CRYBG3: variants seen among roughly 807,000 people sequenced by gnomAD.
CRYBG3 encodes the protein crystallin beta-gamma domain containing 3.
CRYBG3 carries 127 observed loss-of-function variants against 244.2 expected under a neutral mutation model. The ratio of observed to expected loss-of-function variants is 0.52; its 90% CI spans 0.45 to 0.60. CRYBG3 has a LOEUF of 0.60. CRYBG3 is among the 20% of genes least tolerant of loss of function. The probability of loss-of-function intolerance (pLI) is 0.00; values close to 1 mark genes in which losing one functional copy is unlikely to be tolerated. For synonymous variants in CRYBG3, 1,132 were observed against 1,195.8 expected, an observed-to-expected ratio of 0.95 and a Z score of 1.10; for missense variants, 3,325 against 3,442.5, an observed-to-expected ratio of 0.97 and a Z score of 0.85.
At chr3:97,932,256 T>A (rs1331017444) in intron 17 of CRYBG3, among the ~76,000 whole-genome samples, 1 of 151,990 alleles carries the variant, frequency 6.6e-6, no homozygotes, top group Non-Finnish European at 1.5e-5. Flanking sequence ...ATGAAATACG[T>A]TTTTCATACC....
chr3:97,824,639 G>A (rs1201065239), intron 1 of CRYBG3, among the ~76,000 whole-genome samples: 2 of 152,070 alleles, frequency 1.3e-5, no homozygotes, highest in Admixed American at 1.3e-4. Context: ...ACTTCATTAT[G>A]TATTCTTTCT....
intron 1 of CRYBG3, among the ~76,000 whole-genome samples, chr3:97,841,234 G>T (rs577709062): frequency 6.8e-6 from 1 of 147,554 alleles, no homozygotes; most frequent in Admixed American, 6.8e-5. Context: ...GTATATATGT[G>T]TGTATATACA....
At chr3:97,892,819 G>A (rs775856558) in intron 10 of CRYBG3, 41 bp from the exon 11 acceptor site, 1 of 1,054,886 alleles carries the variant, frequency 9.5e-7, no homozygotes, top group African/African-American at 1.7e-5. Flanking sequence ...AAGTAAATAT[G>A]TGTCTATATT....
chr3:97,861,299 G>T (rs535763617), intron 2 of CRYBG3, among the ~76,000 whole-genome samples: 1 of 152,044 alleles, frequency 6.6e-6, no homozygotes, highest in Admixed American at 6.6e-5. Flanking sequence ...TGCAAAGAAG[G>T]TTTCTCTACA....
rs2040292030 is a variant in CRYBG3, at chr3:97,943,950, C to T, written c.*636C>T. The stretch of plus-strand genomic sequence containing the variant: ...GAAGTATTTTCTGTAGCTATTGTTT[C>T]CTCAGTCCTTCAAACTAAAAAAGTA... On this transcript the variant is annotated 3_prime_UTR_variant, in exon 22 of 22. Transcript: ENST00000389622. 1 of 151,916 alleles carries T rather than the reference C, an allele frequency of 6.6e-6. No homozygotes were observed. The highest frequency in any genetic ancestry group is 2.4e-5 in the African/African-American group (1 of 41,370). The allele number at this position is 151,916 out of a possible 1,614,324, so 9.4% of individuals were successfully genotyped here.
At chr3:97,878,631 A>C (rs970771022) in intron 4 of CRYBG3, among the ~76,000 whole-genome samples, 1 of 152,222 alleles carries the variant, frequency 6.6e-6, no homozygotes, top group Non-Finnish European at 1.5e-5. Flanking sequence ...AAATTAAGTG[A>C]CAACATTCCA....
chr3:97,874,986 G>A lies in CRYBG3; in HGVS notation c.3792G>A (p.Glu1264=), dbSNP rs1341173910. The stretch of plus-strand genomic sequence containing the variant: ...TACAACAGACAGAGGGTTTGGAAGA[G>A]CAAGGCATGGAAAACATGTCAGAAG... ...TEIQQTEGLE[E]QGMENMSEVK... The change falls in exon 4 of 22, where the codon GAG becomes GAA. Residue 1264 remains glutamate (E), a synonymous_variant. Coordinates refer to ENST00000389622, the MANE Select transcript of CRYBG3 (RefSeq NM_153605.4). 4.6e-6 allele frequency: 7 copies of A among 1,535,860 alleles called. No homozygotes were observed. Among genetic ancestry groups the A allele is most frequent in the Non-Finnish European group, 5.2e-6 (6 of 1,146,850 alleles).
At chr3:97,933,657 C>T in intron 17 of CRYBG3, 37 bp from the exon 18 acceptor site, 1 of 1,606,070 alleles carries the variant, frequency 6.2e-7, no homozygotes, top group Non-Finnish European at 8.5e-7. Flanking sequence ...TGAGATATGG[C>T]CACTCCTATG....
intron 3 of CRYBG3, among the ~76,000 whole-genome samples, chr3:97,869,260 G>T (rs1053723924): frequency 6.6e-6 from 1 of 151,792 alleles, no homozygotes; most frequent in Non-Finnish European, 1.5e-5. Flanking sequence ...GGTTTTGTTG[G>T]TAGTTACAAA....
chr3:97,887,487 C>G (rs951037101), intron 8 of CRYBG3, among the ~76,000 whole-genome samples: 5 of 152,180 alleles, frequency 3.3e-5, no homozygotes, highest in African/African-American at 1.2e-4. Flanking sequence ...TGTGGTGGCT[C>G]ACGCCTGTAA....
chr3:97,922,893 G>T (rs1342297678), intron 17 of CRYBG3, among the ~76,000 whole-genome samples: 2 of 151,254 alleles, frequency 1.3e-5, no homozygotes, highest in Non-Finnish European at 3.0e-5. Context: ...GCACACATAT[G>T]TTTATTGTGG....
intron 2 of CRYBG3, among the ~76,000 whole-genome samples, chr3:97,851,172 A>G (rs115787205): frequency 0.025 from 3,777 of 152,012 alleles, 150 homozygotes; most frequent in African/African-American, 0.087. Context: ...TTTAAGCTGT[A>G]ATTCAAGATA....
At chr3:97,921,349 A>G (rs1484844881) in intron 17 of CRYBG3, among the ~76,000 whole-genome samples, 2 of 152,132 alleles carry the variant, frequency 1.3e-5, no homozygotes, top group East Asian at 3.9e-4. Context: ...GGGATGATTT[A>G]TATTTATTGT....
At chr3:97,921,307 A>C (rs895138087) in intron 17 of CRYBG3, among the ~76,000 whole-genome samples, 2 of 152,058 alleles carry the variant, frequency 1.3e-5, no homozygotes, top group African/African-American at 4.8e-5. Context: ...TCTCCTTTTC[A>C]TCACAGTTAC....
intron 2 of CRYBG3, among the ~76,000 whole-genome samples, chr3:97,852,154 G>T (rs752185345): frequency 6.6e-6 from 1 of 152,152 alleles, no homozygotes; most frequent in Admixed American, 6.6e-5. Flanking sequence ...GAGTCTGTGG[G>T]CAAGAGATTT....
Position 97,942,395 on chromosome 3 carries a change from G to C in CRYBG3, c.8776G>C (p.Gly2926Arg), listed in dbSNP as rs1192526968. ...FRQKWRLNKN[G>R]TISSYLSDQL... ...GCAGAAGTGGAGACTGAATAAAAATGGAACTATCAGCTCTTATCTCAGTGA... is the reference window on the plus strand; with the variant it reads ...GCAGAAGTGGAGACTGAATAAAAATCGAACTATCAGCTCTTATCTCAGTGA... Residue 2926 changes from glycine to arginine, a missense_variant, in exon 21 of 22, where the codon GGA (glycine) becomes CGA (arginine). Coordinates refer to ENST00000389622, the MANE Select transcript of CRYBG3 (RefSeq NM_153605.4). 5 of 1,611,558 alleles carry C rather than the reference G, an allele frequency of 3.1e-6. No individual in the cohort carries two copies. Among genetic ancestry groups the C allele is most frequent in the Non-Finnish European group, 4.2e-6 (5 of 1,178,432 alleles).
At chr3:97,887,725 C>T (rs1378420553) in intron 8 of CRYBG3, among the ~76,000 whole-genome samples, 1 of 152,154 alleles carries the variant, frequency 6.6e-6, no homozygotes, top group African/African-American at 2.4e-5. Flanking sequence ...CATTGCACTC[C>T]AGCCTGGGCA....
chr3:97,861,957 G>A (rs1454586826), intron 2 of CRYBG3, among the ~76,000 whole-genome samples: 3 of 151,942 alleles, frequency 2.0e-5, no homozygotes, highest in African/African-American at 4.8e-5. Flanking sequence ...TTACGAATAC[G>A]CATTTCTCGT....
At chr3:97,859,859 C>T (rs1471655842) in intron 2 of CRYBG3, among the ~76,000 whole-genome samples, 1 of 152,138 alleles carries the variant, frequency 6.6e-6, no homozygotes, top group Non-Finnish European at 1.5e-5. Flanking sequence ...AATGCTAATA[C>T]TTTGTCTTTA....
Sources: allele counts gnomAD v4.1 joint callset (sites outside exome capture counted in the v4.1 genomes callset), GRCh38; gene constraint gnomAD v4.1.1; transcripts MANE v1.5; gene names NCBI Gene and HGNC (gene_info 2026-07-23, HGNC 2026-07-21).